Variants in GUCY1A2 observed in about 807,000 individuals in gnomAD.
GUCY1A2 encodes the protein guanylate cyclase soluble subunit alpha-2.
GUCY1A2 carries 27 observed loss-of-function variants against 63.5 expected under a neutral mutation model. The ratio of observed to expected loss-of-function variants is 0.43; its 90% CI spans 0.31 to 0.59. GUCY1A2 has a LOEUF of 0.59. GUCY1A2 is among the 20% of genes least tolerant of loss of function. The pLI is 0.11. For synonymous variants in GUCY1A2, 364 were observed against 343.5 expected, an observed-to-expected ratio of 1.06 and a Z score of -0.66; for missense variants, 768 against 913.3, an observed-to-expected ratio of 0.84 and a Z score of 2.05.
At chr11:106,896,018 A>AT (rs1380090968) in intron 4 of GUCY1A2, among the ~76,000 whole-genome samples, 5 of 148,750 alleles carry the variant, frequency 3.4e-5, no homozygotes, top group African/African-American at 9.9e-5. Context: ...CAAAAAAAAA[A>AT]AAAATATATA....
chr11:106,680,150 C>T lies in GUCY1A2; in HGVS notation c.*7399G>A, dbSNP rs1313431932. On this transcript the variant is annotated 3_prime_UTR_variant, in exon 8 of 8. Coordinates refer to ENST00000526355, the MANE Select transcript of GUCY1A2 (RefSeq NM_000855.3). ...AAGCTCCTGCCCACCTCACTCACTC[C>T]ATTTGTCCCTTTGTCCTGAGTCTGC... 1.4e-5 allele frequency: 3 copies of T among 214,456 alleles called. No individual in the cohort carries two copies. Among genetic ancestry groups the T allele is most frequent in the African/African-American group, 6.8e-5 (3 of 44,266 alleles). 13.3% of individuals were successfully genotyped at this position (214,456 alleles called of 1,614,324 possible). A position where few individuals can be genotyped will look rare whatever the true frequency, so the allele number is the denominator to read the frequency against.
intron 4 of GUCY1A2, among the ~76,000 whole-genome samples, chr11:106,914,214 C>A (rs1860337672): frequency 6.6e-6 from 1 of 152,000 alleles, no homozygotes; most frequent in African/African-American, 2.4e-5. Flanking sequence ...ATATCAGTAT[C>A]TATACAGATT....
chr11:106,824,654 A>G (rs906766482), intron 4 of GUCY1A2, among the ~76,000 whole-genome samples: 1 of 152,150 alleles, frequency 6.6e-6, no homozygotes, highest in African/African-American at 2.4e-5. Flanking sequence ...CTCATATTTG[A>G]ATAGAAATTT....
intron 4 of GUCY1A2, among the ~76,000 whole-genome samples, chr11:106,815,952 T>C (rs1449970398): frequency 1.3e-5 from 2 of 152,040 alleles, no homozygotes; most frequent in African/African-American, 4.8e-5. Context: ...GGAGATAGCA[T>C]GGTCCTTTTG....
intron 4 of GUCY1A2, among the ~76,000 whole-genome samples, chr11:106,868,431 C>T (rs886093812): frequency 2.0e-5 from 3 of 152,020 alleles, no homozygotes; most frequent in Non-Finnish European, 4.4e-5. Flanking sequence ...AATCAATGTG[C>T]AAAAATCACA....
intron 3 of GUCY1A2, among the ~76,000 whole-genome samples, chr11:106,962,964 A>G (rs1383401722): frequency 6.6e-6 from 1 of 152,120 alleles, no homozygotes; most frequent in Non-Finnish European, 1.5e-5. Context: ...CAGCTATATT[A>G]TCTTCTAAAC....
In GUCY1A2 at chr11:106,702,090, T is replaced by TA. The variant is rs1443675870; in HGVS notation, c.1991+6421dup. Reference sequence around the variant, plus strand: ...AATGTTCTTAGTGACTTATTTAACCTAAGTTTCAGTTTTTCTCATCTGAAA... The same window carrying TA: ...AATGTTCTTAGTGACTTATTTAACCTAAAGTTTCAGTTTTTCTCATCTGAAA... On this transcript the variant is annotated intron_variant, in intron 7 of 7. Coordinates refer to ENST00000526355, the MANE Select transcript of GUCY1A2 (RefSeq NM_000855.3). Among the ~76,000 whole-genome samples the TA allele has an allele frequency of 3.9e-5, 6 of 152,260 alleles. No individual in the cohort carries two copies. The South Asian group carries it at 1.2e-3, about 32-fold the overall frequency.
intron 5 of GUCY1A2, among the ~76,000 whole-genome samples, chr11:106,781,112 C>CAAAAAAAAAAAAAA (rs565279937): frequency 2.2e-5 from 2 of 89,028 alleles, no homozygotes; most frequent in Non-Finnish European, 4.6e-5. Flanking sequence ...AAACAGACTA[C>CAAAAAAAAAAAAAA]AAAAAAAAAA....
chr11:106,806,963 G>A (rs1858697674), intron 5 of GUCY1A2, among the ~76,000 whole-genome samples: 1 of 152,148 alleles, frequency 6.6e-6, no homozygotes, highest in Non-Finnish European at 1.5e-5. Context: ...GAAGAAGAGA[G>A]GGGCAACCAC....
chr11:106,839,933 C>T (rs1438091208), intron 4 of GUCY1A2, among the ~76,000 whole-genome samples: 1 of 151,666 alleles, frequency 6.6e-6, no homozygotes, highest in Non-Finnish European at 1.5e-5. Context: ...GGGTGCAGCA[C>T]ACCAACATGG....
intron 2 of GUCY1A2, among the ~76,000 whole-genome samples, chr11:106,985,370 C>T (rs985934000): frequency 6.6e-6 from 1 of 152,226 alleles, no homozygotes; most frequent in Non-Finnish European, 1.5e-5. Flanking sequence ...CTTTCTGCCA[C>T]AGCCAATTAG....
In GUCY1A2 at chr11:106,687,439, G is replaced by T. The variant is rs2135332691; in HGVS notation, c.*110C>A. ...CCTGACATAATACAGAAATTTTGCT[G>T]CTTGTTCTCAACAAAGCAATGAAAG... On this transcript the variant is annotated 3_prime_UTR_variant, in exon 8 of 8. Transcript: ENST00000526355. 1.2e-6 allele frequency: 1 copy of T among 814,296 alleles called. No homozygotes were observed. The highest frequency in any genetic ancestry group is 2.0e-6 in the Non-Finnish European group (1 of 488,090). The allele number at this position is 814,296 out of a possible 1,614,324, so 50.4% of individuals were successfully genotyped here. A position where few individuals can be genotyped will look rare whatever the true frequency, so the allele number is the denominator to read the frequency against.
At chr11:106,854,909 C>A (rs1217112067) in intron 4 of GUCY1A2, among the ~76,000 whole-genome samples, 2 of 152,136 alleles carry the variant, frequency 1.3e-5, no homozygotes, top group African/African-American at 4.8e-5. Context: ...ATCACCTGTT[C>A]CCCAGGGTGT....
chr11:106,807,470 T>C (rs1197171856), intron 5 of GUCY1A2, among the ~76,000 whole-genome samples: 1 of 152,188 alleles, frequency 6.6e-6, no homozygotes, highest in African/African-American at 2.4e-5. Flanking sequence ...GGCCAAACCA[T>C]TACTGCTATG....
chr11:106,860,206 T>C (rs111987797), intron 4 of GUCY1A2, among the ~76,000 whole-genome samples: 197 of 152,016 alleles, frequency 1.3e-3, no homozygotes, highest in African/African-American at 4.5e-3. Context: ...ATACACACAG[T>C]GCTCTGCTGT....
chr11:106,865,351 T>C (rs549279012), intron 4 of GUCY1A2, among the ~76,000 whole-genome samples: 1 of 152,156 alleles, frequency 6.6e-6, no homozygotes, highest in East Asian at 1.9e-4. Flanking sequence ...GATTCATTGA[T>C]TTTTTGAAGG....
In GUCY1A2 at chr11:106,692,928, G is replaced by A. The variant is rs554772072; in HGVS notation, c.1992-5172C>T. On this transcript the variant is annotated intron_variant, in intron 7 of 7. Coordinates refer to ENST00000526355, the MANE Select transcript of GUCY1A2 (RefSeq NM_000855.3). ...AGATCCAGTTCCAGCCTCTAATAGC[G>A]GCAGACTAGTATATATAGCTCTCTG... Among the ~76,000 whole-genome samples, 6 of 152,268 alleles carry A rather than the reference G, an allele frequency of 3.9e-5. No homozygotes were observed. The East Asian group carries it at 9.6e-4, about 24-fold the overall frequency.
intron 6 of GUCY1A2, among the ~76,000 whole-genome samples, chr11:106,747,505 T>G (rs1238929256): frequency 6.6e-6 from 1 of 152,140 alleles, no homozygotes; most frequent in Non-Finnish European, 1.5e-5. Flanking sequence ...AATAACTGCT[T>G]AAGGATTAGT....
intron 6 of GUCY1A2, among the ~76,000 whole-genome samples, chr11:106,710,755 G>A (rs1312537101): frequency 1.3e-5 from 2 of 151,982 alleles, no homozygotes; most frequent in South Asian, 2.1e-4. Context: ...TAACTGAAGC[G>A]AATGGATAAC....
Sources: allele counts gnomAD v4.1 joint callset (sites outside exome capture counted in the v4.1 genomes callset), GRCh38; gene constraint gnomAD v4.1.1; transcripts MANE v1.5; gene names NCBI Gene and HGNC (gene_info 2026-07-23, HGNC 2026-07-21).